Variants in GNAL observed in about 807,000 individuals in gnomAD.
The protein encoded by GNAL is guanine nucleotide-binding protein G(olf) subunit alpha.
GNAL carries 18 observed loss-of-function variants against 55.1 expected under a neutral mutation model. The ratio of observed to expected loss-of-function variants is 0.33; its 90% CI spans 0.23 to 0.48. The LOEUF (loss-of-function observed/expected upper bound fraction) is 0.48, where lower values mean the gene tolerates loss of function less well. GNAL is among the 20% of genes least tolerant of loss of function. The pLI, the probability that GNAL is intolerant of heterozygous loss-of-function variation, is 0.99. For synonymous variants in GNAL, 253 were observed against 237.0 expected (o/e 1.07, Z -0.62); for missense variants, 412 against 614.1 (o/e 0.67, Z 3.48).
chr18:11,715,198 G>A (rs375053647), intron 1 of GNAL, among the ~76,000 whole-genome samples: 6 of 151,514 alleles, frequency 4.0e-5, no homozygotes, highest in South Asian at 4.2e-4. Context: ...GGTGGCTCAC[G>A]CCTGTAATCC....
intron 4 of GNAL, among the ~76,000 whole-genome samples, chr18:11,796,044 C>T (rs896967854): frequency 6.6e-6 from 1 of 152,134 alleles, no homozygotes; most frequent in Non-Finnish European, 1.5e-5. Flanking sequence ...ACCAAGTATT[C>T]GCCCGGAAGG....
At chr18:11,702,206 A>T (rs886339613) in intron 1 of GNAL, 1 of 152,284 alleles carries the variant, frequency 6.6e-6, no homozygotes, top group Admixed American at 6.5e-5. Context: ...CTGGGAAAAT[A>T]TCAGCCCCTG....
chr18:11,842,822 G>C (rs548864564), intron 5 of GNAL, among the ~76,000 whole-genome samples: 4 of 152,248 alleles, frequency 2.6e-5, no homozygotes, highest in Admixed American at 2.0e-4. Flanking sequence ...GGAGACCCCT[G>C]ACTTAGTTCA....
chr18:11,805,357 A>G (rs1226021235), intron 4 of GNAL, among the ~76,000 whole-genome samples: 3 of 152,158 alleles, frequency 2.0e-5, no homozygotes, highest in Non-Finnish European at 4.4e-5. Context: ...TGGATGGAAC[A>G]TGGAGGTATT....
rs113835332 is a variant in GNAL, at chr18:11,868,998, C to T, written c.1031+335C>T. Among the ~76,000 whole-genome samples, 40,045 of 151,796 alleles carry T rather than the reference C, an allele frequency of 0.26. 5,979 individuals are homozygous for T. Among genetic ancestry groups the T allele is most frequent in the African/African-American group, 0.41 (16,999 of 41,310 alleles). ...CTCCTGCCTGGGCAACAGAGCAAGA[C>T]CTTGTCTCAAAACACACACACATAC... On this transcript the variant is annotated intron_variant, in intron 9 of 11. Transcript: ENST00000334049. This position sits in a 1 kb window ranked among gnomAD's most constrained non-coding sequence, Gnocchi z 4.0.
intron 5 of GNAL, among the ~76,000 whole-genome samples, chr18:11,840,226 T>C (rs561735519): frequency 1.9e-4 from 29 of 152,340 alleles, no homozygotes; most frequent in Non-Finnish European, 4.3e-4. Flanking sequence ...TATTCGATAT[T>C]TGTGAAAATG....
At chr18:11,753,036 ATTC>A in intron 2 of GNAL, 111 bp downstream of exon 2, 1 of 603,586 alleles carries the variant, frequency 1.7e-6, no homozygotes, top group African/African-American at 1.9e-5. Flanking sequence ...TGGAGTAGAC[ATTC>A]AAGGGGGAAA....
chr18:11,877,229 G>A (rs762923510), intron 11 of GNAL, among the ~76,000 whole-genome samples: 23 of 152,204 alleles, frequency 1.5e-4, no homozygotes, highest in Middle Eastern at 3.2e-3. Flanking sequence ...TGAGGCAGAT[G>A]GATCACCTGA....
chr18:11,777,095 A>G (rs2033806158), intron 4 of GNAL, among the ~76,000 whole-genome samples: 3 of 152,370 alleles, frequency 2.0e-5, no homozygotes, highest in South Asian at 4.1e-4. Context: ...TATGATATGT[A>G]TGAATAAATG....
intron 4 of GNAL, among the ~76,000 whole-genome samples, chr18:11,763,551 A>G (rs2033311877): frequency 6.6e-6 from 1 of 151,598 alleles, no homozygotes; most frequent in Non-Finnish European, 1.5e-5. Flanking sequence ...TAATTTTTGT[A>G]TTTTTAGTAG....
At chr18:11,809,876 A>C (rs576953263) in intron 4 of GNAL, among the ~76,000 whole-genome samples, 2 of 152,248 alleles carry the variant, frequency 1.3e-5, no homozygotes, top group African/African-American at 4.8e-5. Flanking sequence ...TCTTTGGACA[A>C]TATTCTTTCC....
At chr18:11,844,604 G>A (rs534756315) in intron 5 of GNAL, among the ~76,000 whole-genome samples, 2 of 152,166 alleles carry the variant, frequency 1.3e-5, no homozygotes, top group South Asian at 2.1e-4. Context: ...ATCAATTAAG[G>A]GTACGAGTGA....
In GNAL at chr18:11,841,311, G is replaced by C. The variant is rs549175794; in HGVS notation, c.722+16296G>C. Among the ~76,000 whole-genome samples the C allele has an allele frequency of 6.6e-5, 10 of 152,090 alleles. 1 individual carries two copies. Among genetic ancestry groups the C allele is most frequent in the Admixed American group, 4.6e-4 (7 of 15,262 alleles). ...CTACAATTTATTATATTTAGGGCAA[G>C]GTTAATCATGATTATTTGAAGACAG... On this transcript the variant is annotated intron_variant, in intron 5 of 11. Transcript: ENST00000334049.
intron 4 of GNAL, among the ~76,000 whole-genome samples, chr18:11,786,683 C>T (rs1355368975): frequency 6.7e-6 from 1 of 148,272 alleles, no homozygotes; most frequent in Non-Finnish European, 1.5e-5. Context: ...CATCTCCTGA[C>T]CTCGTGATCT....
At chr18:11,855,140 T>A (rs1429040093) in intron 5 of GNAL, among the ~76,000 whole-genome samples, 2 of 152,148 alleles carry the variant, frequency 1.3e-5, no homozygotes, top group Non-Finnish European at 1.5e-5. Flanking sequence ...GGTTTCACCA[T>A]GTTGGCCAGG....
chr18:11,797,180 C>A (rs887557029), intron 4 of GNAL, among the ~76,000 whole-genome samples: 6 of 152,230 alleles, frequency 3.9e-5, no homozygotes, highest in Admixed American at 1.3e-4. Context: ...GATCCACCCC[C>A]CTTGGCCTCC....
chr18:11,815,693 AAAAT>A (rs1373016404), intron 4 of GNAL, among the ~76,000 whole-genome samples: 12 of 152,366 alleles, frequency 7.9e-5, no homozygotes, highest in African/African-American at 2.9e-4. Flanking sequence ...TTTAAATAAA[AAAAT>A]AAACTTTGCT....
chr18:11,733,826 A>G (rs2032397836), intron 1 of GNAL, among the ~76,000 whole-genome samples: 1 of 151,276 alleles, frequency 6.6e-6, no homozygotes, highest in Non-Finnish European at 1.5e-5. Flanking sequence ...ACTATGCTCT[A>G]TAGCCATGCA....
chr18:11,875,886 T>C (rs1488583102), intron 10 of GNAL, among the ~76,000 whole-genome samples: 4 of 152,184 alleles, frequency 2.6e-5, no homozygotes, highest in Admixed American at 2.6e-4. Context: ...GCCGATTCAG[T>C]GTCTGGTAAG....
Sources: gnomAD v4.1 joint callset for allele counts (sites outside exome capture counted in the v4.1 genomes callset) on GRCh38, gnomAD v4.1.1 for gene constraint, Gnocchi (gnomAD v3.1) non-coding constraint, MANE v1.5 for transcripts, NCBI Gene and HGNC (gene_info 2026-07-23, HGNC 2026-07-21) for gene names.